Variants in CPNE8 observed in about 807,000 individuals in gnomAD.
The protein encoded by CPNE8 is copine-8.
In CPNE8, 45 loss-of-function variants were observed where a neutral mutation model predicts 81.5. That is an observed-to-expected ratio of 0.55 (90% CI 0.44 to 0.71). The LOEUF (loss-of-function observed/expected upper bound fraction) is 0.71. Ranked by LOEUF, CPNE8 falls within the 30% of genes least tolerant of loss-of-function variation. The pLI is 0.00. For synonymous variants in CPNE8, 252 were observed against 226.3 expected (o/e 1.11, Z -1.02); for missense variants, 594 against 672.1 (o/e 0.88, Z 1.28).
chr12:38,742,494 A>G (rs1360935285), intron 10 of CPNE8, among the ~76,000 whole-genome samples: 2 of 143,260 alleles, frequency 1.4e-5, no homozygotes, highest in African/African-American at 5.0e-5. Context: ...ACACTTGGAT[A>G]TAGGAAAGGG....
intron 6 of CPNE8, among the ~76,000 whole-genome samples, chr12:38,807,436 G>T (rs1020992113): frequency 6.6e-6 from 1 of 151,874 alleles, no homozygotes; most frequent in Non-Finnish European, 1.5e-5. Context: ...AGAGCCCTCA[G>T]AAATAACACT....
chr12:38,746,681 C>A (rs549316829), intron 10 of CPNE8, among the ~76,000 whole-genome samples: 1 of 152,200 alleles, frequency 6.6e-6, no homozygotes, highest in Non-Finnish European at 1.5e-5. Context: ...AGTTTAAGGA[C>A]CAAAAACTAA....
At chr12:38,799,781 C>A (rs1168075340) in intron 6 of CPNE8, among the ~76,000 whole-genome samples, 21 of 141,718 alleles carry the variant, frequency 1.5e-4, no homozygotes, top group Non-Finnish European at 4.8e-5. Context: ...AGACAGTGGG[C>A]GCAGGCCAGT....
chr12:38,803,611 CCT>C (rs1942742436), intron 6 of CPNE8, among the ~76,000 whole-genome samples: 1 of 142,964 alleles, frequency 7.0e-6, no homozygotes, highest in African/African-American at 2.5e-5. Flanking sequence ...ACAGGGATGC[CCT>C]CTCTCACCGC....
intron 6 of CPNE8, among the ~76,000 whole-genome samples, chr12:38,807,412 C>A (rs1168302308): frequency 6.6e-6 from 1 of 151,596 alleles, no homozygotes; most frequent in Non-Finnish European, 1.5e-5. Flanking sequence ...AGATATAGAT[C>A]AATGGAACAG....
intron 15 of CPNE8, among the ~76,000 whole-genome samples, chr12:38,691,612 G>A (rs1939677604): frequency 6.6e-6 from 1 of 151,932 alleles, no homozygotes; most frequent in Admixed American, 6.6e-5. Context: ...TCATCAATGT[G>A]GGAGACTATT....
intron 6 of CPNE8, among the ~76,000 whole-genome samples, chr12:38,781,702 C>T (rs367791939): frequency 1.3e-5 from 2 of 151,988 alleles, no homozygotes; most frequent in East Asian, 3.9e-4. Flanking sequence ...ATGGTAAACA[C>T]CCTTGGCAAG....
chr12:38,805,749 A>T (rs2136971484), intron 6 of CPNE8, among the ~76,000 whole-genome samples: 1 of 149,150 alleles, frequency 6.7e-6, no homozygotes, highest in Non-Finnish European at 1.5e-5. Context: ...AGAAATAACT[A>T]AGATCAGAGC....
chr12:38,876,495 G>A (rs139128845), intron 1 of CPNE8, among the ~76,000 whole-genome samples: 2 of 152,326 alleles, frequency 1.3e-5, no homozygotes, highest in East Asian at 1.9e-4. Context: ...TTACAGGCAT[G>A]AGCCACTGCA....
At chr12:38,882,164 C>G (rs893037142) in intron 1 of CPNE8, among the ~76,000 whole-genome samples, 1 of 152,140 alleles carries the variant, frequency 6.6e-6, no homozygotes, top group Non-Finnish European at 1.5e-5. Context: ...GTAGATTACC[C>G]TGGATTATCT....
intron 6 of CPNE8, among the ~76,000 whole-genome samples, chr12:38,812,249 G>A (rs754082525): frequency 6.6e-6 from 1 of 152,196 alleles, no homozygotes; most frequent in Non-Finnish European, 1.5e-5. Context: ...CCAAACTTAC[G>A]TGTTGGAAAA....
intron 6 of CPNE8, among the ~76,000 whole-genome samples, chr12:38,797,484 G>GGGTCCTGTCTGTTAGAA (rs1942519801): frequency 6.6e-6 from 1 of 152,144 alleles, no homozygotes; most frequent in African/African-American, 2.4e-5. Flanking sequence ...CTGCAGCTGA[G>GGGTCCTGTCTGTTAGAA]GGTCCTGTCT....
At chr12:38,750,683 T>C (rs1941337886) in intron 10 of CPNE8, among the ~76,000 whole-genome samples, 1 of 152,262 alleles carries the variant, frequency 6.6e-6, no homozygotes. Context: ...CCAATGCCTA[T>C]ATCCCAATTG....
chr12:38,689,014 G>A (rs975809586), intron 15 of CPNE8, among the ~76,000 whole-genome samples: 1 of 152,080 alleles, frequency 6.6e-6, no homozygotes, highest in African/African-American at 2.4e-5. Flanking sequence ...AATTATGCAG[G>A]GAATCAGTTA....
chr12:38,701,763 G>GT (rs1565574016), intron 14 of CPNE8, among the ~76,000 whole-genome samples: 1 of 152,124 alleles, frequency 6.6e-6, no homozygotes, highest in Non-Finnish European at 1.5e-5. Flanking sequence ...CAAAGTGCTG[G>GT]TATTACAGGC....
intron 14 of CPNE8, among the ~76,000 whole-genome samples, chr12:38,700,851 C>T (rs765803254): frequency 6.6e-6 from 1 of 152,148 alleles, no homozygotes; most frequent in Non-Finnish European, 1.5e-5. Flanking sequence ...CTTGCAAATG[C>T]TCTCTTGCCT....
Position 38,653,660 on chromosome 12 carries a change from T to G in CPNE8, c.*222A>C. On this transcript the variant is annotated 3_prime_UTR_variant, in exon 20 of 20. Transcript: ENST00000331366. ...AAGATTTAGAGAAGACATCCATACT[T>G]TGCTTCAAGCATTTAAACAATTTTT... The G allele has an allele frequency of 2.8e-6, 1 of 363,364 alleles. No individual in the cohort carries two copies. The highest frequency in any genetic ancestry group is 4.3e-5 in the East Asian group (1 of 23,374). 22.5% of individuals were successfully genotyped at this position (363,364 alleles called of 1,614,324 possible).
intron 18 of CPNE8, among the ~76,000 whole-genome samples, chr12:38,671,466 A>G (rs951140300): frequency 6.6e-6 from 1 of 152,210 alleles, no homozygotes; most frequent in Admixed American, 6.5e-5. Context: ...ATGCTGGGAT[A>G]TAATGGGACA....
upstream of CPNE8, chr12:38,905,645 G>C: frequency 6.7e-7 from 1 of 1,499,814 alleles, no homozygotes; most frequent in Non-Finnish European, 8.9e-7. Context: ...GGCAGAAGAA[G>C]GAGGCGGAGG....
Sources: allele counts gnomAD v4.1 joint callset (sites outside exome capture counted in the v4.1 genomes callset), GRCh38; gene constraint gnomAD v4.1.1; transcripts MANE v1.5; gene names NCBI Gene and HGNC (gene_info 2026-07-23, HGNC 2026-07-21).